The following MAMDC2 variants were observed in gnomAD, a reference collection of about 807,000 sequenced individuals.
The protein encoded by MAMDC2 is MAM domain containing 2.
A neutral mutation model predicts 89.8 loss-of-function variants in MAMDC2; 57 were observed. The ratio of observed to expected loss-of-function variants is 0.63; its 90% CI spans 0.51 to 0.79. The LOEUF is 0.79. MAMDC2 is among the 30% of genes least tolerant of loss of function. The probability of loss-of-function intolerance (pLI) is 0.00; values close to 1 mark genes in which losing one functional copy is unlikely to be tolerated. For missense variants in MAMDC2, 800 were observed against 820.6 expected (o/e 0.97, Z 0.31); for synonymous variants, 313 against 293.4 (o/e 1.07, Z -0.68).
chr9:70,204,800 G>A (rs538610722), intron 11 of MAMDC2, among the ~76,000 whole-genome samples: 4 of 152,312 alleles, frequency 2.6e-5, no homozygotes, highest in Non-Finnish European at 4.4e-5. Context: ...CAATATTCGG[G>A]TGGGAGTGAC....
chr9:70,179,873 C>CTTTTT (rs5898124), intron 11 of MAMDC2, among the ~76,000 whole-genome samples: 12,818 of 135,680 alleles, frequency 0.094, 1,106 homozygotes, highest in African/African-American at 0.21. Flanking sequence ...TAAAATATTC[C>CTTTTT]TTTTTTTTTT....
chr9:70,171,782 T>C lies in MAMDC2; in HGVS notation c.1651+1151T>C, dbSNP rs1367175667. ...CTCTGGGCCACATTGGAAGAAGAAT[T>C]GTCTTGGGCCACACATAAAATACAC... On this transcript the variant is annotated intron_variant, in intron 11 of 13. Transcript: ENST00000377182. 3.9e-5 allele frequency among the ~76,000 whole-genome samples: 6 copies of C among 152,268 alleles called. No homozygotes were observed. In the East Asian group the frequency reaches 1.2e-3, roughly 29 times the overall value.
chr9:70,185,672 T>C (rs532984938), intron 11 of MAMDC2, among the ~76,000 whole-genome samples: 1 of 152,304 alleles, frequency 6.6e-6, no homozygotes, highest in African/African-American at 2.4e-5. Context: ...CTGGCCTCCT[T>C]AGCACTGTCC....
Position 70,218,367 on chromosome 9 carries a change from T to C in MAMDC2, c.1682T>C (p.Met561Thr), listed in dbSNP as rs761281949. 6 of 1,614,116 alleles carry C rather than the reference T, an allele frequency of 3.7e-6. No individual in the cohort carries two copies. In the Admixed American group the frequency reaches 8.3e-5, roughly 22 times the overall value. The change falls in exon 12 of 14, where the codon ATG becomes ACG. Residue 561 changes from methionine (M) to threonine (T), a missense_variant. Met to Thr is a moderately conservative substitution (Grantham distance 81). Transcript: ENST00000377182. ...GYYMYIEASH[M>T]VYGQKARLLS... ...TACATGTACATTGAGGCCTCCCATA[T>C]GGTGTATGGACAAAAAGCACGCCTC...
rs1212146570 is a variant in MAMDC2 at position 70,121,899 on chromosome 9, A to C, written c.644-4260A>C. Among the ~76,000 whole-genome samples the C allele has an allele frequency of 2.6e-5, 4 of 152,302 alleles. No individual in the cohort carries two copies. The East Asian group carries it at 7.7e-4, about 29-fold the overall frequency. ...GAAAGGAGAATACAATGGCACCTGC[A>C]GCCACCTACCCATTGACTCCTCTTC... On this transcript the variant is annotated intron_variant, in intron 5 of 13. Coordinates refer to ENST00000377182, the MANE Select transcript of MAMDC2 (RefSeq NM_153267.5).
At chr9:70,085,352 C>T (rs1827746252) in intron 2 of MAMDC2, among the ~76,000 whole-genome samples, 1 of 151,982 alleles carries the variant, frequency 6.6e-6, no homozygotes, top group South Asian at 2.1e-4. Context: ...AGGGGTGGTG[C>T]CAACTGGGAA....
At chr9:70,109,664 C>G in intron 3 of MAMDC2, 56 bp from the exon 4 acceptor site, 2 of 1,409,688 alleles carry the variant, frequency 1.4e-6, no homozygotes, top group Non-Finnish European at 2.0e-6. Flanking sequence ...AATACTGAAC[C>G]AAGGAAACAT....
chr9:70,056,262 A>G (rs528942945), intron 2 of MAMDC2, among the ~76,000 whole-genome samples: 19 of 152,356 alleles, frequency 1.2e-4, no homozygotes, highest in Non-Finnish European at 2.1e-4. Flanking sequence ...TTAAAAGTGA[A>G]TAATAGGGTA....
intron 2 of MAMDC2, among the ~76,000 whole-genome samples, chr9:70,102,646 G>A (rs1188157756): frequency 6.6e-6 from 1 of 152,198 alleles, no homozygotes; most frequent in Non-Finnish European, 1.5e-5. Flanking sequence ...GGCACGTGGA[G>A]TCTGTACTTT....
chr9:70,099,980 A>AAGAAAGAGAGAG (rs1686672155), intron 2 of MAMDC2, among the ~76,000 whole-genome samples: 2 of 115,564 alleles, frequency 1.7e-5, no homozygotes, highest in African/African-American at 3.2e-5. Context: ...GCCAAAAAGA[A>AAGAAAGAGAGAG]AGAGAGAGAG....
chr9:70,157,024 T>G (rs1274418857), intron 9 of MAMDC2, among the ~76,000 whole-genome samples: 3 of 152,230 alleles, frequency 2.0e-5, no homozygotes, highest in African/African-American at 7.2e-5. Flanking sequence ...CAGCAATTTG[T>G]TCTCCCAGCA....
chr9:70,184,582 T>C (rs1260355734), intron 11 of MAMDC2, among the ~76,000 whole-genome samples: 2 of 152,112 alleles, frequency 1.3e-5, no homozygotes, highest in Non-Finnish European at 2.9e-5. Context: ...GATCATCTTT[T>C]TCATTTTTTT....
intron 11 of MAMDC2, among the ~76,000 whole-genome samples, chr9:70,178,432 A>G (rs1298359261): frequency 6.6e-6 from 1 of 152,134 alleles, no homozygotes; most frequent in Non-Finnish European, 1.5e-5. Flanking sequence ...CATGACCCAA[A>G]CATCTCCCAT....
At chr9:70,100,023 A>AGAGAGAGAGAGAGAGC (rs1359855878) in intron 2 of MAMDC2, among the ~76,000 whole-genome samples, 4 of 142,772 alleles carry the variant, frequency 2.8e-5, no homozygotes, top group South Asian at 2.3e-4. Flanking sequence ...AGAGAGAGAG[A>AGAGAGAGAGAGAGAGC]GCACAAGCAC....
chr9:70,114,936 C>T (rs757864871), intron 5 of MAMDC2, among the ~76,000 whole-genome samples: 10 of 152,050 alleles, frequency 6.6e-5, no homozygotes, highest in South Asian at 2.1e-4. Flanking sequence ...AACTGTATTT[C>T]GGGGATGGGT....
At chr9:70,144,654 TG>T (rs1305510842) in intron 9 of MAMDC2, among the ~76,000 whole-genome samples, 1 of 152,116 alleles carries the variant, frequency 6.6e-6, no homozygotes, top group Admixed American at 6.5e-5. Context: ...ACTCACACAG[TG>T]GTAGTTCAAT....
chr9:70,169,152 A>T (rs1414606408), intron 10 of MAMDC2, among the ~76,000 whole-genome samples: 2 of 152,174 alleles, frequency 1.3e-5, no homozygotes, highest in South Asian at 2.1e-4. Flanking sequence ...ATGAATGCAG[A>T]TTTTCAAGCA....
intron 2 of MAMDC2, among the ~76,000 whole-genome samples, chr9:70,066,723 T>G (rs1179951077): frequency 1.3e-5 from 2 of 152,196 alleles, no homozygotes; most frequent in Non-Finnish European, 2.9e-5. Context: ...TTTTCTACAA[T>G]TCATCTGTCT....
chr9:70,186,435 C>T (rs895649287), intron 11 of MAMDC2, among the ~76,000 whole-genome samples: 3 of 152,142 alleles, frequency 2.0e-5, no homozygotes, highest in Non-Finnish European at 4.4e-5. Flanking sequence ...TCTAGGTGAA[C>T]AATTATTTCC....
Sources: gnomAD v4.1 joint callset for allele counts (sites outside exome capture counted in the v4.1 genomes callset) on GRCh38, gnomAD v4.1.1 for gene constraint, MANE v1.5 for transcripts, NCBI Gene and HGNC (gene_info 2026-07-23, HGNC 2026-07-21) for gene names.